The following GNL1 variants were observed in gnomAD, a reference collection of about 807,000 sequenced individuals.
The protein encoded by GNL1 is guanine nucleotide-binding protein-like 1.
Under a neutral mutation model 75.2 loss-of-function variants are expected in GNL1, and 21 were observed. The observed-to-expected ratio is 0.28, with a 90% CI of 0.20 to 0.40. The LOEUF (loss-of-function observed/expected upper bound fraction) is 0.40, where lower values mean the gene tolerates loss of function less well. GNL1 is among the 10% of genes least tolerant of loss of function. The pLI is 1.00. For synonymous variants in GNL1, 287 were observed against 303.4 expected (o/e 0.95, Z 0.56); for missense variants, 579 against 775.0 (o/e 0.75, Z 3.00).
At position 30,552,643 on chromosome 6, in the gene GNL1, C is replaced by T. The variant is rs767165987; in HGVS notation, c.923G>A (p.Arg308Gln). 12 of 1,613,418 alleles carry T rather than the reference C, an allele frequency of 7.4e-6. No individual in the cohort carries two copies. The South Asian group carries it at 8.8e-5, about 12-fold the overall frequency. Residue 308 changes from arginine to glutamine, a missense_variant, in exon 8 of 12, where the codon CGG becomes CAG. Coordinates refer to ENST00000376621, the MANE Select transcript of GNL1 (RefSeq NM_005275.5). This position sits in a 1 kb window ranked among gnomAD's most constrained non-coding sequence, Gnocchi z 4.5. ...AGCCACATCCCGAGCAATCTTCTCC[C>T]GCCAGCTGCTCAAGTCCACTGCTCA... Reference protein sequence around the residue: ...TVGKVDLSSWREKIARDVAGA... With the variant: ...TVGKVDLSSWQEKIARDVAGA...
rs1800081835 is a variant in GNL1, at chr6:30,555,356, C to T, written c.240-165G>A. Among the ~76,000 whole-genome samples, 1 of 152,236 alleles carries T rather than the reference C, an allele frequency of 6.6e-6. No homozygotes were observed. The highest frequency in any genetic ancestry group is 2.1e-4 in the South Asian group (1 of 4,832). On this transcript the variant is annotated intron_variant, in intron 2 of 11. Transcript: ENST00000376621. The surrounding 1 kb of genome is among the most constrained non-coding windows in gnomAD (Gnocchi z 4.3). ...AGTCCTTCTTTCAGGCAATACTCAGCCTTCTCCTTCTAAAAGCCCAACTCT... is the reference window on the plus strand; with the variant it reads ...AGTCCTTCTTTCAGGCAATACTCAGTCTTCTCCTTCTAAAAGCCCAACTCT...
chr6:30,547,351 C>T lies in GNL1; in HGVS notation c.1278+1G>A. On this transcript the variant is annotated splice_donor_variant, in intron 9 of 11. Transcript: ENST00000376621. LOFTEE classifies it high-confidence loss of function. This position sits in a 1 kb window ranked among gnomAD's most constrained non-coding sequence, Gnocchi z 5.5. ...TCCCTTACCCACCCTCCCCGTCATA[C>T]CTGCAACTGCCTAGGCAGAAGAGAT... 6.3e-7 allele frequency: 1 copy of T among 1,599,476 alleles called. No individual in the cohort carries two copies.
chr6:30,555,701 G>T lies in GNL1; in HGVS notation c.93C>A (p.Arg31=). 6.2e-7 allele frequency: 1 copy of T among 1,613,528 alleles called. No individual in the cohort carries two copies. Among genetic ancestry groups the T allele is most frequent in the Non-Finnish European group, 8.5e-7 (1 of 1,179,936 alleles). ...TCCCGCTGCGGCTGTTGGAACTGGA[G>T]CGCAGCCCATCTTGAAGCCCTGCGG... ...ERKRGLQDGL[R]SSSNSRSGSR... Residue 31 remains arginine (R), a synonymous_variant, in exon 2 of 12, where the codon CGC becomes CGA. Coordinates refer to ENST00000376621, the MANE Select transcript of GNL1 (RefSeq NM_005275.5). The surrounding 1 kb of genome is among the most constrained non-coding windows in gnomAD (Gnocchi z 4.3).
In GNL1 at chr6:30,556,056, G is replaced by A; in HGVS notation, c.73+75C>T. ...CGACCCCCTCCCACGATCCCCAGAG[G>A]TGCAGCGGGCACACCCCTCCTTCCA... On this transcript the variant is annotated intron_variant, in intron 1 of 11. Coordinates refer to ENST00000376621, the MANE Select transcript of GNL1 (RefSeq NM_005275.5). The surrounding 1 kb of genome is among the most constrained non-coding windows in gnomAD (Gnocchi z 5.7). 2 of 1,554,392 alleles carry A rather than the reference G, an allele frequency of 1.3e-6. No individual in the cohort carries two copies. The highest frequency in any genetic ancestry group is 1.7e-4 in the Middle Eastern group (1 of 5,980).
In GNL1 at chr6:30,541,838, G is replaced by C. The variant is rs1484642051; in HGVS notation, c.*4234C>G. The C allele has an allele frequency of 1.3e-5, 2 of 152,168 alleles. No individual in the cohort carries two copies. Among genetic ancestry groups the C allele is most frequent in the African/African-American group, 4.8e-5 (2 of 41,432 alleles). The allele number at this position is 152,168 out of a possible 1,614,324, so 9.4% of individuals were successfully genotyped here. A position where few individuals can be genotyped will look rare whatever the true frequency, so the allele number is the denominator to read the frequency against. On this transcript the variant is annotated 3_prime_UTR_variant, in exon 12 of 12. Transcript: ENST00000376621. The stretch of plus-strand genomic sequence containing the variant: ...CAGTGCGAACCAGCTGAATGTCAGC[G>C]CTGTTCCCTCCTGTGACAGAAGCCA...
rs1799457669 is a variant in GNL1 at position 30,546,433 on chromosome 6, ATT to A, written c.1583-122_1583-121del. ...ATAATCTTTAGAGCTGCTGGCATTC[ATT>A]CATTCATCCATTCATTCAACTTCCT... On this transcript the variant is annotated intron_variant, in intron 11 of 11. Transcript: ENST00000376621. The surrounding 1 kb of genome is among the most constrained non-coding windows in gnomAD (Gnocchi z 5.1). 1 of 715,216 alleles carries A rather than the reference ATT, an allele frequency of 1.4e-6. No homozygotes were observed. Among genetic ancestry groups the A allele is most frequent in the Non-Finnish European group, 2.4e-6 (1 of 420,306 alleles). The allele number at this position is 715,216 out of a possible 1,614,324, so 44.3% of individuals were successfully genotyped here.
chr6:30,546,852 A>G lies in GNL1; in HGVS notation c.1442-16T>C. 1 of 1,578,522 alleles carries G rather than the reference A, an allele frequency of 6.3e-7. No individual in the cohort carries two copies. Among genetic ancestry groups the G allele is most frequent in the Non-Finnish European group, 8.6e-7 (1 of 1,158,010 alleles). ...TCTGCCCAGGCTGGAGGAAGAAAAG[A>G]ATAATGGAAAGGGAAAGCATTAACC... On this transcript the variant is annotated splice_polypyrimidine_tract_variant and intron_variant, in intron 10 of 11. Transcript: ENST00000376621. This position sits in a 1 kb window ranked among gnomAD's most constrained non-coding sequence, Gnocchi z 5.1.
rs1021699864 is a variant in GNL1 at position 30,555,357 on chromosome 6, C to T, written c.240-166G>A. ...GTCCTTCTTTCAGGCAATACTCAGC[C>T]TTCTCCTTCTAAAAGCCCAACTCTC... On this transcript the variant is annotated intron_variant, in intron 2 of 11. Transcript: ENST00000376621. This position sits in a 1 kb window ranked among gnomAD's most constrained non-coding sequence, Gnocchi z 4.3. Among the ~76,000 whole-genome samples the T allele has an allele frequency of 3.3e-5, 5 of 152,226 alleles. No homozygotes were observed.
chr6:30,555,481 A>T lies in GNL1; in HGVS notation c.239+74T>A. ...CAGGCCCACCGTCTTCACCAGTAGCAGCCCGCTTTCCCCCAAAGCTCTGAC... is the reference window on the plus strand; with the variant it reads ...CAGGCCCACCGTCTTCACCAGTAGCTGCCCGCTTTCCCCCAAAGCTCTGAC... On this transcript the variant is annotated intron_variant, in intron 2 of 11. Coordinates refer to ENST00000376621, the MANE Select transcript of GNL1 (RefSeq NM_005275.5). This position sits in a 1 kb window ranked among gnomAD's most constrained non-coding sequence, Gnocchi z 4.3. The T allele has an allele frequency of 7.0e-7, 1 of 1,429,832 alleles. No homozygotes were observed. The highest frequency in any genetic ancestry group is 1.3e-5 in the South Asian group (1 of 79,888). 88.6% of individuals were successfully genotyped at this position (1,429,832 alleles called of 1,614,324 possible).
Position 30,555,812 on chromosome 6 carries a change from T to C in GNL1, c.74-92A>G. ...TCGGCCTGACTCCCTTTCATCCCAC[T>C]CAACTTCTTCCGATGTTCAGTCCTC... On this transcript the variant is annotated intron_variant, in intron 1 of 11. Transcript: ENST00000376621. The surrounding 1 kb of genome is among the most constrained non-coding windows in gnomAD (Gnocchi z 4.3). 2 of 1,327,970 alleles carry C rather than the reference T, an allele frequency of 1.5e-6. No individual in the cohort carries two copies. Among genetic ancestry groups the C allele is most frequent in the Non-Finnish European group, 1.1e-6 (1 of 950,600 alleles). 82.3% of individuals were successfully genotyped at this position (1,327,970 alleles called of 1,614,324 possible). A position where few individuals can be genotyped will look rare whatever the true frequency, so the allele number is the denominator to read the frequency against.
rs535787672 is a variant in GNL1 at position 30,549,825 on chromosome 6, C to CTT, written c.1100-2297_1100-2296dup. ...TCCTACATCTCATCCAATTCCATGG[C>CTT]TTTTTTTTTTTTTTTTTTGACGAAG... On this transcript the variant is annotated intron_variant, in intron 8 of 11. Coordinates refer to ENST00000376621, the MANE Select transcript of GNL1 (RefSeq NM_005275.5). 9.3e-3 allele frequency among the ~76,000 whole-genome samples: 1,200 copies of CTT among 129,412 alleles called. 11 individuals are homozygous for CTT. Among genetic ancestry groups the CTT allele is most frequent in the Middle Eastern group, 0.017 (4 of 238 alleles). 84.9% of individuals were successfully genotyped at this position (129,412 alleles called of 152,430 possible).
Position 30,556,389 on chromosome 6 carries a change from T to G in GNL1, c.-186A>C. 1.6e-6 allele frequency: 1 copy of G among 633,538 alleles called. No individual in the cohort carries two copies. The allele number at this position is 633,538 out of a possible 1,614,324, so 39.2% of individuals were successfully genotyped here. Reference sequence around the variant, plus strand: ...CGATGGAAGGCGGACGGGGGAGATATAGTCACTTCCCTCCAGGAGCGAGGC... The same window carrying G: ...CGATGGAAGGCGGACGGGGGAGATAGAGTCACTTCCCTCCAGGAGCGAGGC... On this transcript the variant is annotated 5_prime_UTR_variant, in exon 1 of 12. Transcript: ENST00000376621. The surrounding 1 kb of genome is among the most constrained non-coding windows in gnomAD (Gnocchi z 5.7).
chr6:30,546,327 AC>A lies in GNL1; in HGVS notation c.1583-15del. 1 of 1,567,624 alleles carries A rather than the reference AC, an allele frequency of 6.4e-7. No homozygotes were observed. Among genetic ancestry groups the A allele is most frequent in the Admixed American group, 1.8e-5 (1 of 55,658 alleles). ...ACTCCCAGGTGCCTGGGGAACCAAA[AC>A]AAGAAAAAAATGGAGGAGAGTTTTG... On this transcript the variant is annotated splice_polypyrimidine_tract_variant and intron_variant, in intron 11 of 11. Coordinates refer to ENST00000376621, the MANE Select transcript of GNL1 (RefSeq NM_005275.5). The surrounding 1 kb of genome is among the most constrained non-coding windows in gnomAD (Gnocchi z 5.1).
intron 5 of GNL1, 89 bp from the exon 6 acceptor site, chr6:30,553,646 A>G: frequency 1.1e-6 from 1 of 872,040 alleles, no homozygotes; most frequent in Non-Finnish European, 1.9e-6. Context: ...TGTAGCTCAG[A>G]GACAAGGCCC....
chr6:30,547,106 A>C lies in GNL1; in HGVS notation c.1441+6T>G. The C allele has an allele frequency of 6.2e-7, 1 of 1,610,400 alleles. No homozygotes were observed. The highest frequency in any genetic ancestry group is 1.3e-5 in the African/African-American group (1 of 74,948). ...GGTGGGGCGAAGCCAGGCACATGGA[A>C]CTCACCTTCACAGATGTCCCAGGCA... On this transcript the variant is annotated splice_donor_region_variant and intron_variant, in intron 10 of 11. Coordinates refer to ENST00000376621, the MANE Select transcript of GNL1 (RefSeq NM_005275.5). The surrounding 1 kb of genome is among the most constrained non-coding windows in gnomAD (Gnocchi z 5.5).
chr6:30,550,225 G>A (rs984840362), intron 8 of GNL1, among the ~76,000 whole-genome samples: 2 of 152,026 alleles, frequency 1.3e-5, no homozygotes, highest in Admixed American at 6.6e-5. Context: ...CCCCTAAGCT[G>A]CTGACTACTT....
At position 30,542,151 on chromosome 6, in the gene GNL1, T is replaced by C. The variant is rs1319593268; in HGVS notation, c.*3921A>G. 1 of 152,356 alleles carries C rather than the reference T, an allele frequency of 6.6e-6. No homozygotes were observed. The highest frequency in any genetic ancestry group is 1.5e-5 in the Non-Finnish European group (1 of 68,038). The allele number at this position is 152,356 out of a possible 1,614,324, so 9.4% of individuals were successfully genotyped here. On this transcript the variant is annotated 3_prime_UTR_variant, in exon 12 of 12. Transcript: ENST00000376621. The surrounding 1 kb of genome is among the most constrained non-coding windows in gnomAD (Gnocchi z 4.5). The stretch of plus-strand genomic sequence containing the variant: ...TACGCTTTTCCTCCAAATTATTCCT[T>C]AACCCTCTGACATCTGGGGCTTCTG...
intron 5 of GNL1, 137 bp downstream of exon 5, chr6:30,554,438 T>C (rs1800002642): frequency 2.8e-6 from 2 of 704,414 alleles, no homozygotes; most frequent in Non-Finnish European, 2.6e-6. Flanking sequence ...AGTTCCTAAC[T>C]GCGGACATCA....
Position 30,553,505 on chromosome 6 carries a change from A to G in GNL1, c.653T>C (p.Leu218Pro). ...LYEYVTGELG[L>P]ALVLVLNKVD... The stretch of plus-strand genomic sequence containing the variant: ...CTTGTTCAAAACCAGCACCAGGGCC[A>G]GTCCAAGTTCTCCAGTCACATACTC... Residue 218 changes from leucine (L) to proline (P), a missense_variant, in exon 6 of 12, where the codon CTG becomes CCG. Leu to Pro is a moderately conservative substitution (Grantham distance 98). Transcript: ENST00000376621. 2 of 1,613,044 alleles carry G rather than the reference A, an allele frequency of 1.2e-6. No homozygotes were observed. Among genetic ancestry groups the G allele is most frequent in the Non-Finnish European group, 1.7e-6 (2 of 1,179,980 alleles).
Sources: gnomAD v4.1 joint callset for allele counts (sites outside exome capture counted in the v4.1 genomes callset) on GRCh38, gnomAD v4.1.1 for gene constraint, Gnocchi (gnomAD v3.1) non-coding constraint, MANE v1.5 for transcripts, NCBI Gene and HGNC (gene_info 2026-07-23, HGNC 2026-07-21) for gene names.